The following AANAT variants were observed in gnomAD, a reference collection of about 807,000 sequenced individuals.
AANAT encodes serotonin N-acetyltransferase.
Under a neutral mutation model 15.6 loss-of-function variants are expected in AANAT, and 11 were observed. That is an observed-to-expected ratio of 0.71 (90% CI 0.44 to 1.17). The LOEUF is 1.17. AANAT is among the 50% of genes most tolerant of loss of function. The probability of loss-of-function intolerance (pLI) is 0.00; values close to 1 mark genes in which losing one functional copy is unlikely to be tolerated. For synonymous variants in AANAT, 139 were observed against 131.5 expected (o/e 1.06, Z -0.39); for missense variants, 286 against 296.3 (o/e 0.97, Z 0.26).
chr17:76,458,134 A>C (rs2073356671), intron 1 of AANAT, among the ~76,000 whole-genome samples: 1 of 152,166 alleles, frequency 6.6e-6, no homozygotes, highest in Admixed American at 6.5e-5. Flanking sequence ...CCAACAACCA[A>C]AAGTTGAAGA....
rs1207358318 is a variant in AANAT at position 76,468,570 on chromosome 17, C to T, written c.-75-102C>T. 9 of 1,057,438 alleles carry T rather than the reference C, an allele frequency of 8.5e-6. No homozygotes were observed. In the African/African-American group the frequency reaches 1.4e-4, roughly 17 times the overall value. 65.5% of individuals were successfully genotyped at this position (1,057,438 alleles called of 1,614,324 possible). ...ATGTGCCCATTGATTTAGGGGCTGT[C>T]TCCACCCCAGTTCCTGCTACAAAAG... On this transcript the variant is annotated intron_variant, in intron 1 of 3. Transcript: ENST00000392492.
At position 76,469,750 on chromosome 17, in the gene AANAT, G is replaced by A. The variant is rs769573980; in HGVS notation, c.404G>A (p.Arg135Lys). The A allele has an allele frequency of 7.0e-6, 11 of 1,569,094 alleles. No homozygotes were observed. The highest frequency in any genetic ancestry group is 1.8e-4 in the Middle Eastern group (1 of 5,436). ...AVHRAFRQQGRGPILLWRYLH... is the reference protein window; with the variant it reads ...AVHRAFRQQGKGPILLWRYLH... Reference sequence around the variant, plus strand: ...CACCGCGCCTTCCGGCAGCAGGGCAGGGGCCCCATCCTGCTGTGGCGCTAC... The same window carrying A: ...CACCGCGCCTTCCGGCAGCAGGGCAAGGGCCCCATCCTGCTGTGGCGCTAC... The change falls in exon 4 of 4, where the codon AGG becomes AAG. Residue 135 changes from arginine (R) to lysine (K), a missense_variant. By Grantham distance (26) the Arg-to-Lys change is conservative. Coordinates refer to ENST00000392492, the MANE Select transcript of AANAT (RefSeq NM_001088.3). This position sits in a 1 kb window ranked among gnomAD's most constrained non-coding sequence, Gnocchi z 5.2.
In AANAT at chr17:76,469,264, C is replaced by G; in HGVS notation, c.255C>G (p.Phe85Leu). 6.2e-7 allele frequency: 1 copy of G among 1,614,160 alleles called. No individual in the cohort carries two copies. Among genetic ancestry groups the G allele is most frequent in the South Asian group, 1.1e-5 (1 of 91,082 alleles). ...TLCPELSLGW[F>L]EEGCLVAFII... Reference sequence around the variant, plus strand: ...GTCCAGAGCTGTCCCTGGGCTGGTTCGAGGAGGGCTGCCTTGTGGCCTTCA... The same window carrying G: ...GTCCAGAGCTGTCCCTGGGCTGGTTGGAGGAGGGCTGCCTTGTGGCCTTCA... Residue 85 changes from phenylalanine (F) to leucine (L), a missense_variant, in exon 3 of 4, where the codon TTC (phenylalanine) becomes TTG (leucine). Transcript: ENST00000392492. This position sits in a 1 kb window ranked among gnomAD's most constrained non-coding sequence, Gnocchi z 5.2.
chr17:76,462,015 T>A (rs2073393681), intron 2 of AANAT, among the ~76,000 whole-genome samples: 1 of 152,150 alleles, frequency 6.6e-6, no homozygotes. Flanking sequence ...CCTCCTTCCT[T>A]GGGGACAATG....
At chr17:76,466,503 G>A (rs1267888696), upstream of AANAT, among the ~76,000 whole-genome samples, 2 of 151,612 alleles carry the variant, frequency 1.3e-5, no homozygotes, top group Admixed American at 6.6e-5. Flanking sequence ...CGGGGGGGTC[G>A]AAAGAGTGCA....
chr17:76,468,613 T>C lies in AANAT; in HGVS notation c.-75-59T>C, dbSNP rs2073466435. On this transcript the variant is annotated intron_variant, in intron 1 of 3. Transcript: ENST00000392492. ...TACAAAAGAGGCCAGATACATACTC[T>C]GGGGCCTGCCTCCCTGGAGATGAGG... The C allele has an allele frequency of 3.5e-6, 5 of 1,446,508 alleles. No individual in the cohort carries two copies. In the African/African-American group the frequency reaches 7.0e-5, roughly 20 times the overall value. 89.6% of individuals were successfully genotyped at this position (1,446,508 alleles called of 1,614,324 possible). A position where few individuals can be genotyped will look rare whatever the true frequency, so the allele number is the denominator to read the frequency against.
chr17:76,462,926 T>G (rs2073403086), upstream of AANAT, among the ~76,000 whole-genome samples: 1 of 152,224 alleles, frequency 6.6e-6, no homozygotes, highest in Non-Finnish European at 1.5e-5. Context: ...CCCTGGGACA[T>G]GGCCATGGGG....
Position 76,469,407 on chromosome 17 carries a change from A to G in AANAT, c.318+80A>G, listed in dbSNP as rs1370243346. ...AGCCAGATGGCGGGGAGGGGAGCCC[A>G]GGGGCTGGGATTTCTTCCTCCAGAA... is the stretch of plus-strand genomic sequence containing the variant. On this transcript the variant is annotated intron_variant, in intron 3 of 3. Transcript: ENST00000392492. This position sits in a 1 kb window ranked among gnomAD's most constrained non-coding sequence, Gnocchi z 5.2. 2 of 1,567,808 alleles carry G rather than the reference A, an allele frequency of 1.3e-6. No individual in the cohort carries two copies. The highest frequency in any genetic ancestry group is 1.7e-6 in the Non-Finnish European group (2 of 1,153,820).
At chr17:76,458,120 T>G (rs982207217) in intron 1 of AANAT, among the ~76,000 whole-genome samples, 1 of 152,176 alleles carries the variant, frequency 6.6e-6, no homozygotes, top group Non-Finnish European at 1.5e-5. Flanking sequence ...TTCCTATCCT[T>G]TTTCCAACAA....
At chr17:76,461,501 T>C (rs1210533350) in intron 2 of AANAT, among the ~76,000 whole-genome samples, 1 of 150,730 alleles carries the variant, frequency 6.6e-6, no homozygotes, top group Non-Finnish European at 1.5e-5. Context: ...TCCCAGCTAC[T>C]TGGGAGGCTG....
At chr17:76,459,897 C>T (rs2143964606) in intron 2 of AANAT, among the ~76,000 whole-genome samples, 1 of 152,340 alleles carries the variant, frequency 6.6e-6, no homozygotes, top group South Asian at 2.1e-4. Flanking sequence ...CTGTAGGCCC[C>T]TCACCAGGCC....
intron 2 of AANAT, among the ~76,000 whole-genome samples, chr17:76,461,193 A>G (rs1192181088): frequency 2.0e-5 from 3 of 151,440 alleles, no homozygotes; most frequent in Non-Finnish European, 4.4e-5. Flanking sequence ...AAAACAAAAA[A>G]ACAGAAGACT....
At chr17:76,458,093 A>G (rs1409261268) in intron 1 of AANAT, among the ~76,000 whole-genome samples, 1 of 152,156 alleles carries the variant, frequency 6.6e-6, no homozygotes, top group African/African-American at 2.4e-5. Context: ...GAGAACCTGT[A>G]CCTCCATTCT....
chr17:76,461,078 T>C (rs2073383712), intron 2 of AANAT, among the ~76,000 whole-genome samples: 1 of 151,822 alleles, frequency 6.6e-6, no homozygotes, highest in South Asian at 2.1e-4. Context: ...GGCAGGAGAA[T>C]TGCTTGAACC....
At chr17:76,455,921 G>A (rs1245905016) in intron 1 of AANAT, among the ~76,000 whole-genome samples, 1 of 152,200 alleles carries the variant, frequency 6.6e-6, no homozygotes, top group African/African-American at 2.4e-5. Context: ...GCTGATGCAG[G>A]AGAATCGCTT....
At chr17:76,467,825 TTTA>T (rs1383894297) in intron 1 of AANAT, 98 bp downstream of exon 1, 1 of 800,154 alleles carries the variant, frequency 1.2e-6, no homozygotes, top group African/African-American at 1.9e-5. Context: ...AGCCATGGAG[TTTA>T]TTAAGTGTCT....
chr17:76,462,982 T>C (rs1006222733), upstream of AANAT, among the ~76,000 whole-genome samples: 1 of 152,176 alleles, frequency 6.6e-6, no homozygotes, highest in Non-Finnish European at 1.5e-5. Context: ...AGTCTGGGTG[T>C]GAAACTGGGC....
In AANAT at chr17:76,469,665, G is replaced by T; in HGVS notation, c.319G>T (p.Glu107Ter). The change falls in exon 4 of 4, where the codon GAG (glutamate) becomes TAG (stop). Residue 107 changes from glutamate (E) to a stop codon, truncating the protein, a stop_gained and splice_region_variant. Transcript: ENST00000392492. LOFTEE classifies it high-confidence loss of function. This position sits in a 1 kb window ranked among gnomAD's most constrained non-coding sequence, Gnocchi z 5.2. The stretch of plus-strand genomic sequence containing the variant: ...GATCTCATCCCTTGCTCGCTCCCAG[G>T]AGTCACTGACGCTGCACAGGTCTGG... ...SLWDKERLMQ[E>*]SLTLHRSGGH... The T allele has an allele frequency of 6.7e-7, 1 of 1,483,188 alleles. No homozygotes were observed. The allele number at this position is 1,483,188 out of a possible 1,614,324, so 91.9% of individuals were successfully genotyped here.
intron 2 of AANAT, among the ~76,000 whole-genome samples, chr17:76,460,344 G>C (rs9894765): frequency 0.76 from 115,779 of 151,518 alleles, 44,625 homozygotes; most frequent in East Asian, 0.89. Flanking sequence ...TAGAGATGGG[G>C]TTTTGCCATG....
Sources: allele counts gnomAD v4.1 joint callset (sites outside exome capture counted in the v4.1 genomes callset), GRCh38; gene constraint gnomAD v4.1.1; non-coding constraint Gnocchi (gnomAD v3.1); transcripts MANE v1.5; gene names NCBI Gene and HGNC (gene_info 2026-07-23, HGNC 2026-07-21).